DGKG: variants seen among roughly 807,000 people sequenced by gnomAD.
DGKG encodes diacylglycerol kinase gamma, also known as DAG kinase gamma.
Under a neutral mutation model 105.3 loss-of-function variants are expected in DGKG, and 78 were observed. The ratio of observed to expected loss-of-function variants is 0.74; its 90% confidence interval spans 0.62 to 0.89. The LOEUF is 0.89. DGKG is among the 40% of genes least tolerant of loss of function. The pLI is 0.00. For missense variants in DGKG, 958 were observed against 1,020.1 expected (o/e 0.94, Z 0.83); for synonymous variants, 346 against 367.1 (o/e 0.94, Z 0.66).
intron 6 of DGKG, 22 bp downstream of exon 6, chr3:186,288,688 C>A (rs773803301): frequency 1.2e-6 from 2 of 1,612,882 alleles, no homozygotes; most frequent in South Asian, 2.2e-5. Context: ...AGCTGAAGCC[C>A]CTTGACAGGG....
intron 6 of DGKG, among the ~76,000 whole-genome samples, chr3:186,287,035 A>AAATAAATAAATAAAT (rs1723102677): frequency 2.8e-5 from 4 of 142,476 alleles, no homozygotes; most frequent in Non-Finnish European, 6.0e-5. Context: ...ACTCCATCTC[A>AAATAAATAAATAAAT]AAATAAATAA....
chr3:186,256,028 G>T (rs758139844), intron 17 of DGKG, among the ~76,000 whole-genome samples: 1 of 152,066 alleles, frequency 6.6e-6, no homozygotes, highest in Non-Finnish European at 1.5e-5. Flanking sequence ...AAAGCTCTCC[G>T]CCAAAGCCTA....
intron 1 of DGKG, among the ~76,000 whole-genome samples, chr3:186,336,385 T>TA (rs145758458): frequency 0.027 from 4,150 of 152,118 alleles, 197 homozygotes; most frequent in African/African-American, 0.095. Context: ...ACTCCATGTT[T>TA]AAAAAAAATG....
intron 5 of DGKG, among the ~76,000 whole-genome samples, chr3:186,295,894 G>T (rs1253289338): frequency 2.0e-5 from 3 of 152,096 alleles, no homozygotes; most frequent in Non-Finnish European, 2.9e-5. Flanking sequence ...ATCACTTGAG[G>T]TCAGGAGTTC....
At chr3:186,302,405 T>G (rs1382164303) in intron 3 of DGKG, among the ~76,000 whole-genome samples, 1 of 149,316 alleles carries the variant, frequency 6.7e-6, no homozygotes, top group Non-Finnish European at 1.5e-5. Context: ...GATATATGTA[T>G]CTCCACTCAC....
rs541713783 is a variant in DGKG, at chr3:186,361,081, G to T, written c.-249+865C>A. ...GGCGACTGGGGGAGGGGTCTCGACC[G>T]CCACCCTGAGTTCCGCAGCTCATCC... is the stretch of plus-strand genomic sequence containing the variant. On this transcript the variant is annotated intron_variant, in intron 1 of 24. Coordinates refer to ENST00000265022, the MANE Select transcript of DGKG (RefSeq NM_001346.3). The surrounding 1 kb of genome is among the most constrained non-coding windows in gnomAD (Gnocchi z 6.8). Among the ~76,000 whole-genome samples the T allele has an allele frequency of 6.6e-6, 1 of 152,190 alleles. No homozygotes were observed. The highest frequency in any genetic ancestry group is 6.5e-5 in the Admixed American group (1 of 15,284).
chr3:186,178,972 G>A (rs1390383187), intron 22 of DGKG, among the ~76,000 whole-genome samples: 1 of 152,156 alleles, frequency 6.6e-6, no homozygotes, highest in Non-Finnish European at 1.5e-5. Flanking sequence ...ATTCTTTGGA[G>A]GAGAAACCAG....
chr3:186,208,725 T>A (rs1718871669), intron 21 of DGKG, among the ~76,000 whole-genome samples: 1 of 152,244 alleles, frequency 6.6e-6, no homozygotes, highest in Non-Finnish European at 1.5e-5. Flanking sequence ...GAGTCTTCTG[T>A]TCTTTGCAAA....
chr3:186,294,686 C>T (rs1257172647), intron 5 of DGKG, among the ~76,000 whole-genome samples: 1 of 152,032 alleles, frequency 6.6e-6, no homozygotes. Flanking sequence ...CTGAATATGC[C>T]TCCTCTAGTC....
chr3:186,360,447 G>A (rs2108683105), intron 1 of DGKG, among the ~76,000 whole-genome samples: 1 of 152,318 alleles, frequency 6.6e-6, no homozygotes, highest in Admixed American at 6.5e-5. Flanking sequence ...AGTTGGCTTA[G>A]TTGCAGCCGT....
Position 186,260,525 on chromosome 3 carries a change from A to T in DGKG, c.1350-12T>A, listed in dbSNP as rs774739711. ...ATTTCCGAAGAATTCTATGGAAAAA[A>T]AAAGAAAAGGAGGGAGAGAGAGAGA... On this transcript the variant is annotated splice_polypyrimidine_tract_variant and intron_variant, in intron 15 of 24. Coordinates refer to ENST00000265022, the MANE Select transcript of DGKG (RefSeq NM_001346.3). 2.5e-6 allele frequency: 4 copies of T among 1,598,544 alleles called. No homozygotes were observed. Among genetic ancestry groups the T allele is most frequent in the Non-Finnish European group, 3.4e-6 (4 of 1,166,426 alleles).
intron 1 of DGKG, among the ~76,000 whole-genome samples, chr3:186,331,710 CA>C (rs1725612874): frequency 6.6e-6 from 1 of 152,174 alleles, no homozygotes; most frequent in Admixed American, 6.6e-5. Context: ...TTGGCACAGG[CA>C]GGCAGTGTTG....
At chr3:186,312,856 G>A (rs528719460) in intron 2 of DGKG, among the ~76,000 whole-genome samples, 10 of 152,330 alleles carry the variant, frequency 6.6e-5, no homozygotes, top group African/African-American at 1.9e-4. Flanking sequence ...AGAGCAGCAC[G>A]TGGGAAGCAC....
intron 23 of DGKG, among the ~76,000 whole-genome samples, chr3:186,163,046 C>T (rs530926480): frequency 3.9e-5 from 6 of 152,244 alleles, no homozygotes; most frequent in East Asian, 3.9e-4. Context: ...CACTCTGTTT[C>T]GCAGGCTGGA....
Position 186,244,071 on chromosome 3 carries a change from A to G in DGKG, c.1762-1503T>C, listed in dbSNP as rs547577654. The stretch of plus-strand genomic sequence containing the variant: ...ACCATCACACCGGGCTAATTTTTGT[A>G]TTTTTAGTAGAGACGGGTCTTCGCC... On this transcript the variant is annotated intron_variant, in intron 19 of 24. Transcript: ENST00000265022. 5.9e-5 allele frequency among the ~76,000 whole-genome samples: 9 copies of G among 151,566 alleles called. No homozygotes were observed. In the South Asian group the frequency reaches 8.3e-4, roughly 14 times the overall value.
Position 186,272,324 on chromosome 3 carries a change from G to A in DGKG, c.930C>T (p.His310=), listed in dbSNP as rs760218648. The A allele has an allele frequency of 1.5e-5, 24 of 1,613,300 alleles. No homozygotes were observed. The highest frequency in any genetic ancestry group is 1.4e-5 in the Non-Finnish European group (17 of 1,179,420). Residue 310 remains histidine (H), a synonymous_variant, in exon 11 of 25, where the codon CAC becomes CAT. Coordinates refer to ENST00000265022, the MANE Select transcript of DGKG (RefSeq NM_001346.3). ...LCCTYCKYTV[H]ERCVSRNIPG... ...GAATGTTTCTGGACACACAGCGTTC[G>A]TGGACAGTGTATTTACAGTCTGAAA...
In DGKG at chr3:186,148,073, T is replaced by G; in HGVS notation, c.*2017A>C. 1 of 985,460 alleles carries G rather than the reference T, an allele frequency of 1.0e-6. No homozygotes were observed. The highest frequency in any genetic ancestry group is 1.2e-6 in the Non-Finnish European group (1 of 829,962). The allele number at this position is 985,460 out of a possible 1,614,324, so 61.0% of individuals were successfully genotyped here. A position where few individuals can be genotyped will look rare whatever the true frequency, so the allele number is the denominator to read the frequency against. On this transcript the variant is annotated 3_prime_UTR_variant, in exon 25 of 25. Transcript: ENST00000265022. ...CCAAAGCTCCTGTCCAATGCAAGAT[T>G]AGAGGCAGCTCAGTGGAACGATATC... is the stretch of plus-strand genomic sequence containing the variant.
intron 1 of DGKG, among the ~76,000 whole-genome samples, chr3:186,328,666 C>G (rs1195071576): frequency 6.6e-6 from 1 of 151,482 alleles, no homozygotes; most frequent in Non-Finnish European, 1.5e-5. Flanking sequence ...ACCTCCACCT[C>G]CTGGGTTCAA....
Position 186,328,615 on chromosome 3 carries a change from G to A in DGKG, c.-248-7908C>T, listed in dbSNP as rs116310828. 8.2e-3 allele frequency among the ~76,000 whole-genome samples: 1,183 copies of A among 144,814 alleles called. 22 individuals carry two copies. Among genetic ancestry groups the A allele is most frequent in the African/African-American group, 0.029 (1,111 of 38,296 alleles). On this transcript the variant is annotated intron_variant, in intron 1 of 24. Transcript: ENST00000265022. Reference sequence around the variant, plus strand: ...TCTTGAGATGGAGTTTTGCTCTGCCGCCCAGACTGGAGTGTTGTGGCATGA... The same window carrying A: ...TCTTGAGATGGAGTTTTGCTCTGCCACCCAGACTGGAGTGTTGTGGCATGA...
Sources: gnomAD v4.1 joint callset for allele counts (sites outside exome capture counted in the v4.1 genomes callset) on GRCh38, gnomAD v4.1.1 for gene constraint, Gnocchi (gnomAD v3.1) non-coding constraint, MANE v1.5 for transcripts, NCBI Gene and HGNC (gene_info 2026-07-23, HGNC 2026-07-21) for gene names.